PCDH9: variants seen among roughly 807,000 people sequenced by gnomAD.
PCDH9 encodes protocadherin 9.
A neutral mutation model predicts 70.6 loss-of-function variants in PCDH9; 24 were observed. The observed-to-expected ratio is 0.34, with a 90% confidence interval of 0.25 to 0.48. The LOEUF (loss-of-function observed/expected upper bound fraction) is 0.48, where lower values mean the gene tolerates loss of function less well. Among genes scored for constraint, PCDH9 ranks in the 20% least tolerant of loss-of-function variants. The probability of loss-of-function intolerance (pLI) is 0.99; values close to 1 mark genes in which losing one functional copy is unlikely to be tolerated. For synonymous variants in PCDH9, 562 were observed against 558.5 expected (o/e 1.01, Z -0.09); for missense variants, 1,281 against 1,503.6 (o/e 0.85, Z 2.45).
At chr13:66,330,567 G>C (rs1273468732) in intron 4 of PCDH9, among the ~76,000 whole-genome samples, 1 of 152,140 alleles carries the variant, frequency 6.6e-6, no homozygotes, top group Non-Finnish European at 1.5e-5. Flanking sequence ...AAGGTGAAAG[G>C]AGGAAAATGT....
chr13:66,840,167 T>C (rs1358854367), intron 3 of PCDH9, among the ~76,000 whole-genome samples: 2 of 152,050 alleles, frequency 1.3e-5, no homozygotes, highest in Non-Finnish European at 2.9e-5. Flanking sequence ...TGTTAAACAA[T>C]ATTAAAAAAA....
At chr13:66,476,687 C>T (rs367817706) in intron 4 of PCDH9, among the ~76,000 whole-genome samples, 1 of 151,870 alleles carries the variant, frequency 6.6e-6, no homozygotes, top group Non-Finnish European at 1.5e-5. Context: ...AAACTAGATG[C>T]CTGTCTCTCT....
At chr13:66,975,222 T>G (rs556144334) in intron 2 of PCDH9, among the ~76,000 whole-genome samples, 2 of 152,080 alleles carry the variant, frequency 1.3e-5, no homozygotes, top group East Asian at 3.9e-4. Context: ...GACCTCAAAT[T>G]AGTGAATTAT....
chr13:66,820,201 C>CA (rs568253476), intron 3 of PCDH9, among the ~76,000 whole-genome samples: 3 of 150,946 alleles, frequency 2.0e-5, no homozygotes, highest in Non-Finnish European at 3.0e-5. Context: ...ATTTAGTCAT[C>CA]AAAAAAAACA....
In PCDH9 at chr13:66,305,018, C is replaced by T. The variant is rs1566229278; in HGVS notation, c.3351G>A (p.Leu1117=). ...TAGCTTCAGCTAATCCTCGGGGACC[C>T]AAAGGCCCATCTGCAGAAGACAAGA... ...GNSDPNSDGP[L]GPRGLAEATE... Residue 1117 remains leucine (L), a synonymous_variant, in exon 5 of 5, where the codon TTG becomes TTA. Transcript: ENST00000377865. The T allele has an allele frequency of 6.2e-7, 1 of 1,608,956 alleles. No homozygotes were observed. Among genetic ancestry groups the T allele is most frequent in the Non-Finnish European group, 8.5e-7 (1 of 1,176,794 alleles).
chr13:67,101,332 G>A (rs910765500), intron 2 of PCDH9, among the ~76,000 whole-genome samples: 18 of 152,178 alleles, frequency 1.2e-4, no homozygotes, highest in South Asian at 2.1e-4. Context: ...AAAGTTAAGG[G>A]AGTATATTTC....
rs1372131952 is a variant in PCDH9 at position 66,708,877 on chromosome 13, C to T, written c.3139-77466G>A. Among the ~76,000 whole-genome samples, 3 of 152,122 alleles carry T rather than the reference C, an allele frequency of 2.0e-5. No individual in the cohort carries two copies. The East Asian group carries it at 5.8e-4, about 29-fold the overall frequency. ...TTTTGATAGAGATCATTCATTCTGC[C>T]CCCAACCAAATCTTCAGAGGTCTGG... On this transcript the variant is annotated intron_variant, in intron 3 of 4. Transcript: ENST00000377865.
chr13:66,674,853 A>T (rs1197773155), intron 3 of PCDH9, among the ~76,000 whole-genome samples: 1 of 152,126 alleles, frequency 6.6e-6, no homozygotes, highest in East Asian at 1.9e-4. Context: ...ATGAAAATCT[A>T]GATTGAGTTT....
intron 2 of PCDH9, among the ~76,000 whole-genome samples, chr13:67,063,296 T>C (rs546548205): frequency 2.3e-4 from 35 of 152,108 alleles, no homozygotes; most frequent in Admixed American, 3.3e-4. Flanking sequence ...CCACAATTCA[T>C]TGTGTACCAT....
At chr13:67,144,149 C>T (rs970075319) in intron 2 of PCDH9, among the ~76,000 whole-genome samples, 3 of 152,146 alleles carry the variant, frequency 2.0e-5, no homozygotes, top group Admixed American at 6.5e-5. Flanking sequence ...AACTCTAGAA[C>T]AGCAATTCCC....
intron 4 of PCDH9, among the ~76,000 whole-genome samples, chr13:66,451,935 CAAT>C (rs2138429506): frequency 6.6e-6 from 1 of 152,238 alleles, no homozygotes; most frequent in Non-Finnish European, 1.5e-5. Flanking sequence ...GATATGTTAA[CAAT>C]ATTTCCTGCA....
At chr13:66,577,109 A>T (rs2076826176) in intron 4 of PCDH9, among the ~76,000 whole-genome samples, 1 of 151,998 alleles carries the variant, frequency 6.6e-6, no homozygotes, top group African/African-American at 2.4e-5. Flanking sequence ...TCATTTTAAA[A>T]ATCTTTGCTA....
chr13:66,859,363 T>C (rs1180250500), intron 3 of PCDH9, among the ~76,000 whole-genome samples: 1 of 152,182 alleles, frequency 6.6e-6, no homozygotes, highest in Non-Finnish European at 1.5e-5. Flanking sequence ...AGTGTTTGTA[T>C]TTGAACAAGA....
chr13:67,184,163 A>G (rs946750469), intron 2 of PCDH9, among the ~76,000 whole-genome samples: 3 of 152,176 alleles, frequency 2.0e-5, no homozygotes, highest in African/African-American at 7.2e-5. Flanking sequence ...CCTGATTAGT[A>G]AAAATGTAGG....
intron 4 of PCDH9, among the ~76,000 whole-genome samples, chr13:66,576,155 T>C (rs1487544879): frequency 6.6e-6 from 1 of 152,006 alleles, no homozygotes; most frequent in African/African-American, 2.4e-5. Flanking sequence ...GGTTAGAAGC[T>C]ATTTTGTGAA....
chr13:66,339,259 T>G (rs1234416621), intron 4 of PCDH9, among the ~76,000 whole-genome samples: 3 of 152,096 alleles, frequency 2.0e-5, no homozygotes, highest in Non-Finnish European at 4.4e-5. Context: ...TATTACTTTA[T>G]TTTTTAAACT....
chr13:66,443,124 T>C (rs191686202), intron 4 of PCDH9, among the ~76,000 whole-genome samples: 14 of 152,302 alleles, frequency 9.2e-5, no homozygotes, highest in Admixed American at 9.2e-4. Context: ...GAAAATGTAT[T>C]AAGTAACATG....
At chr13:66,446,185 T>C (rs1297700645) in intron 4 of PCDH9, among the ~76,000 whole-genome samples, 1 of 152,046 alleles carries the variant, frequency 6.6e-6, no homozygotes. Flanking sequence ...CTTTCAATTT[T>C]TGAAACAGAA....
At chr13:66,897,894 G>A (rs1219247079) in intron 3 of PCDH9, among the ~76,000 whole-genome samples, 1 of 152,048 alleles carries the variant, frequency 6.6e-6, no homozygotes, top group East Asian at 1.9e-4. Context: ...TGATTTGTTA[G>A]AAATTATTTT....
Sources: gnomAD v4.1 joint callset for allele counts (sites outside exome capture counted in the v4.1 genomes callset) on GRCh38, gnomAD v4.1.1 for gene constraint, MANE v1.5 for transcripts, NCBI Gene and HGNC (gene_info 2026-07-23, HGNC 2026-07-21) for gene names.